EDIL3: variants seen among roughly 807,000 people sequenced by gnomAD.
EDIL3 encodes EGF like and discoidin domains 3.
Under a neutral mutation model 67.4 loss-of-function variants are expected in EDIL3, and 37 were observed. The observed-to-expected ratio is 0.55, with a 90% CI of 0.42 to 0.72. EDIL3 has a LOEUF of 0.72. Ranked by LOEUF, EDIL3 falls within the 30% of genes least tolerant of loss-of-function variation. The pLI is 0.00. For synonymous variants in EDIL3, 195 were observed against 196.3 expected, an observed-to-expected ratio of 0.99 and a Z score of 0.05; for missense variants, 527 against 586.3, an observed-to-expected ratio of 0.90 and a Z score of 1.04.
At chr5:84,111,375 G>C (rs543352320) in intron 5 of EDIL3, among the ~76,000 whole-genome samples, 2 of 152,136 alleles carry the variant, frequency 1.3e-5, no homozygotes, top group Non-Finnish European at 2.9e-5. Context: ...ACCATCATTG[G>C]CTTATACTCT....
chr5:84,243,614 T>C (rs555717681), intron 2 of EDIL3, among the ~76,000 whole-genome samples: 14 of 152,332 alleles, frequency 9.2e-5, no homozygotes, highest in African/African-American at 3.1e-4. Context: ...TATGAACACA[T>C]TGTATTAAAA....
At chr5:84,276,637 T>G (rs1298974767) in intron 1 of EDIL3, among the ~76,000 whole-genome samples, 1 of 152,098 alleles carries the variant, frequency 6.6e-6, no homozygotes, top group African/African-American at 2.4e-5. Flanking sequence ...GGCGTGATCT[T>G]GGCTCACTGC....
chr5:84,212,481 C>T (rs1039861015), intron 3 of EDIL3, among the ~76,000 whole-genome samples: 1 of 152,160 alleles, frequency 6.6e-6, no homozygotes, highest in Non-Finnish European at 1.5e-5. Flanking sequence ...GGAAGAAATT[C>T]GTGGAGATTC....
At chr5:84,270,693 A>G (rs1205355891) in intron 1 of EDIL3, among the ~76,000 whole-genome samples, 3 of 152,202 alleles carry the variant, frequency 2.0e-5, no homozygotes, top group Non-Finnish European at 4.4e-5. Flanking sequence ...ATCTCTCATG[A>G]ACTTCACAAT....
chr5:84,278,610 A>G (rs1237220300), intron 1 of EDIL3, among the ~76,000 whole-genome samples: 1 of 152,188 alleles, frequency 6.6e-6, no homozygotes, highest in Admixed American at 6.5e-5. Flanking sequence ...AGGAAATAAT[A>G]ACATATTTCG....
At chr5:84,029,816 C>A (rs1228097004) in intron 9 of EDIL3, among the ~76,000 whole-genome samples, 1 of 152,108 alleles carries the variant, frequency 6.6e-6, no homozygotes, top group Admixed American at 6.5e-5. Flanking sequence ...GCATTGTATA[C>A]AATTCTGGAG....
At chr5:84,011,103 T>C (rs1448281512) in intron 9 of EDIL3, among the ~76,000 whole-genome samples, 1 of 152,204 alleles carries the variant, frequency 6.6e-6, no homozygotes, top group African/African-American at 2.4e-5. Context: ...CTGTGTTATC[T>C]ATTGCTTTAT....
chr5:83,973,237 T>C (rs1430701687), intron 9 of EDIL3, among the ~76,000 whole-genome samples: 1 of 152,080 alleles, frequency 6.6e-6, no homozygotes, highest in Non-Finnish European at 1.5e-5. Context: ...TGGTGGTTAA[T>C]TGAATTAGTC....
chr5:83,948,039 T>C (rs1185929166), intron 10 of EDIL3, among the ~76,000 whole-genome samples: 2 of 151,846 alleles, frequency 1.3e-5, no homozygotes, highest in Non-Finnish European at 2.9e-5. Flanking sequence ...ACTCAAAAGA[T>C]AGAGTGCGCC....
chr5:84,318,024 C>T (rs1343594732), intron 1 of EDIL3, among the ~76,000 whole-genome samples: 2 of 152,048 alleles, frequency 1.3e-5, no homozygotes, highest in Non-Finnish European at 2.9e-5. Context: ...CAATAACAGA[C>T]AGAGAGCCAA....
chr5:84,226,636 T>C (rs185188711), intron 3 of EDIL3, among the ~76,000 whole-genome samples: 1 of 152,044 alleles, frequency 6.6e-6, no homozygotes, highest in East Asian at 1.9e-4. Flanking sequence ...CTGCTTTTTA[T>C]ACAAAAGGAG....
intron 6 of EDIL3, among the ~76,000 whole-genome samples, chr5:84,097,379 G>A (rs571293921): frequency 1.9e-4 from 29 of 151,990 alleles, no homozygotes; most frequent in Non-Finnish European, 3.7e-4. Flanking sequence ...AGCACACAAC[G>A]GTAATACATA....
chr5:84,004,929 TA>T (rs1745386920), intron 9 of EDIL3, among the ~76,000 whole-genome samples: 1 of 151,884 alleles, frequency 6.6e-6, no homozygotes, highest in Non-Finnish European at 1.5e-5. Context: ...ATAAGATTGA[TA>T]AAGTGCTAGC....
rs144380525 is a variant in EDIL3 at position 84,167,044 on chromosome 5, A to G, written c.355+13349T>C. Among the ~76,000 whole-genome samples the G allele has an allele frequency of 5.6e-3, 847 of 152,268 alleles. 7 individuals are homozygous for G. The highest frequency in any genetic ancestry group is 0.019 in the African/African-American group (779 of 41,570). On this transcript the variant is annotated intron_variant, in intron 4 of 10. Coordinates refer to ENST00000296591, the MANE Select transcript of EDIL3 (RefSeq NM_005711.5). Reference sequence around the variant, plus strand: ...CTTTAGATTCTGCTTGAAGTGAACTATGAAACCATGGGAGATTTTAAACAC... The same window carrying G: ...CTTTAGATTCTGCTTGAAGTGAACTGTGAAACCATGGGAGATTTTAAACAC...
intron 9 of EDIL3, among the ~76,000 whole-genome samples, chr5:83,990,632 G>A (rs530337501): frequency 5.9e-5 from 9 of 152,046 alleles, no homozygotes; most frequent in Non-Finnish European, 1.0e-4. Context: ...TGTAATCCCA[G>A]CATTTTGGGA....
At chr5:83,992,088 C>T (rs954116987) in intron 9 of EDIL3, among the ~76,000 whole-genome samples, 3 of 152,108 alleles carry the variant, frequency 2.0e-5, no homozygotes, top group African/African-American at 4.8e-5. Flanking sequence ...TTTTTGTAAA[C>T]ATACATCATC....
intron 1 of EDIL3, among the ~76,000 whole-genome samples, chr5:84,368,345 G>A (rs182930826): frequency 5.8e-4 from 89 of 152,246 alleles, no homozygotes; most frequent in Middle Eastern, 6.8e-3. Flanking sequence ...TTTGACAAGC[G>A]TGCCAAAGCC....
chr5:83,966,722 G>A (rs1744697541), intron 9 of EDIL3, among the ~76,000 whole-genome samples: 2 of 152,000 alleles, frequency 1.3e-5, no homozygotes, highest in South Asian at 2.1e-4. Context: ...AATATTTATC[G>A]TGTGTACAGA....
chr5:84,331,783 C>G (rs1173713189), intron 1 of EDIL3, among the ~76,000 whole-genome samples: 1 of 152,138 alleles, frequency 6.6e-6, no homozygotes, highest in African/African-American at 2.4e-5. Context: ...AACTTTAGTA[C>G]AGAGCCTATT....
Sources: allele counts gnomAD v4.1 joint callset (sites outside exome capture counted in the v4.1 genomes callset), GRCh38; gene constraint gnomAD v4.1.1; transcripts MANE v1.5; gene names NCBI Gene and HGNC (gene_info 2026-07-23, HGNC 2026-07-21).